The following ITPR2 variants were observed in gnomAD, a reference collection of about 807,000 sequenced individuals.
ITPR2 encodes inositol 1,4,5-trisphosphate receptor type 2, also known as inositol 1,4,5-trisphosphate-gated calcium channel ITPR2.
In ITPR2, 207 loss-of-function variants were observed where a neutral mutation model predicts 317.1. The observed-to-expected ratio is 0.65, with a 90% CI of 0.58 to 0.73. The LOEUF (loss-of-function observed/expected upper bound fraction) is 0.73. Among genes scored for constraint, ITPR2 ranks in the 30% least tolerant of loss-of-function variants. The pLI is 0.00. For missense variants in ITPR2, 2,613 were observed against 3,284.0 expected, an observed-to-expected ratio of 0.80 and a Z score of 4.99; for synonymous variants, 1,156 against 1,149.1, an observed-to-expected ratio of 1.01 and a Z score of -0.12.
chr12:26,743,981 T>C (rs954972348), intron 2 of ITPR2, among the ~76,000 whole-genome samples: 5 of 152,214 alleles, frequency 3.3e-5, no homozygotes, highest in African/African-American at 1.2e-4. Flanking sequence ...ACCGATTTCT[T>C]ACCAACTCAT....
At chr12:26,512,819 C>A (rs933308385) in intron 37 of ITPR2, among the ~76,000 whole-genome samples, 9 of 142,434 alleles carry the variant, frequency 6.3e-5, no homozygotes, top group African/African-American at 2.3e-4. Flanking sequence ...GGAAGGGAAA[C>A]AATTTTTTTT....
chr12:26,661,058 G>A (rs1947483761), intron 15 of ITPR2, among the ~76,000 whole-genome samples: 1 of 151,650 alleles, frequency 6.6e-6, no homozygotes, highest in African/African-American at 2.4e-5. Flanking sequence ...CAATAGAAAT[G>A]AGAAAAACAT....
At chr12:26,587,091 T>C (rs1945547774) in intron 32 of ITPR2, among the ~76,000 whole-genome samples, 3 of 151,696 alleles carry the variant, frequency 2.0e-5, no homozygotes. Flanking sequence ...CTTAATTCTA[T>C]GCTCAGACCA....
chr12:26,666,098 T>C, intron 13 of ITPR2, 47 bp from the exon 14 acceptor site: 1 of 1,465,808 alleles, frequency 6.8e-7, no homozygotes, highest in Non-Finnish European at 9.4e-7. Context: ...GTGCTTAATT[T>C]TGGAAAATGT....
chr12:26,537,024 C>A (rs1318473803), intron 37 of ITPR2, among the ~76,000 whole-genome samples: 3 of 152,120 alleles, frequency 2.0e-5, no homozygotes, highest in South Asian at 4.1e-4. Context: ...AGTGGGCTGA[C>A]CTTGGGGGCC....
intron 2 of ITPR2, among the ~76,000 whole-genome samples, chr12:26,773,875 C>T (rs1949913134): frequency 6.6e-6 from 1 of 151,920 alleles, no homozygotes; most frequent in Admixed American, 6.6e-5. Flanking sequence ...CCAATTTCCA[C>T]TGCCACTTAA....
At chr12:26,716,316 T>G (rs1479618648) in intron 5 of ITPR2, 74 bp from the exon 6 acceptor site, 3 of 874,708 alleles carry the variant, frequency 3.4e-6, no homozygotes, top group Non-Finnish European at 5.6e-6. Context: ...TAGAAATAAC[T>G]GCACAGGAGT....
rs759103714 is a variant in ITPR2 at position 26,486,170 on chromosome 12, A to G, written c.5745T>C (p.Ile1915=). Residue 1915 remains isoleucine (I), a synonymous_variant, in exon 41 of 57, where the codon ATT becomes ATC. Coordinates refer to ENST00000381340, the MANE Select transcript of ITPR2 (RefSeq NM_002223.4). ...ATCTCAGTATTGGCTGCATGATGGC[A>G]ATTGCGGGACTCATTGTTACTTCCT... The part of the protein sequence containing the change: ...SAEEVTMSPA[I]AIMQPILRFL... 113 of 1,614,032 alleles carry G rather than the reference A, an allele frequency of 7.0e-5. No individual in the cohort carries two copies. Among genetic ancestry groups the G allele is most frequent in the Non-Finnish European group, 9.2e-5 (109 of 1,179,994 alleles).
intron 32 of ITPR2, among the ~76,000 whole-genome samples, chr12:26,587,449 A>G (rs1271288696): frequency 6.6e-6 from 1 of 152,186 alleles, no homozygotes; most frequent in Non-Finnish European, 1.5e-5. Context: ...AGGAAAAGGA[A>G]GAAGTTATGC....
chr12:26,716,932 AT>A (rs1441568914), intron 5 of ITPR2, among the ~76,000 whole-genome samples: 1 of 152,136 alleles, frequency 6.6e-6, no homozygotes, highest in African/African-American at 2.4e-5. Flanking sequence ...ACTCTAATTG[AT>A]TTTTTAATGT....
At chr12:26,456,775 C>T (rs1008951118) in intron 45 of ITPR2, among the ~76,000 whole-genome samples, 6 of 152,120 alleles carry the variant, frequency 3.9e-5, no homozygotes, top group South Asian at 2.1e-4. Context: ...CGGGTTCAAG[C>T]GATTCTCTTG....
chr12:26,556,192 G>T, intron 36 of ITPR2, 41 bp downstream of exon 36: 1 of 1,601,712 alleles, frequency 6.2e-7, no homozygotes, highest in South Asian at 1.1e-5. Flanking sequence ...GGCCATGTCA[G>T]TTTGACGACA....
chr12:26,643,788 G>A (rs550845689), intron 21 of ITPR2, among the ~76,000 whole-genome samples: 21 of 152,310 alleles, frequency 1.4e-4, no homozygotes, highest in African/African-American at 3.6e-4. Flanking sequence ...TTGACAGAAC[G>A]TCTGGTTCCT....
At chr12:26,774,321 C>G (rs1031489461) in intron 2 of ITPR2, among the ~76,000 whole-genome samples, 1 of 152,130 alleles carries the variant, frequency 6.6e-6, no homozygotes, top group Non-Finnish European at 1.5e-5. Context: ...GGAGACAGAA[C>G]TGAAACTATA....
At chr12:26,563,340 G>T (rs1361844196) in intron 34 of ITPR2, among the ~76,000 whole-genome samples, 8 of 152,194 alleles carry the variant, frequency 5.3e-5, no homozygotes, top group Admixed American at 1.3e-4. Flanking sequence ...GGGAGGCCGA[G>T]GCAGGCGGAT....
At position 26,681,945 on chromosome 12, in the gene ITPR2, A is replaced by G; in HGVS notation, c.1338T>C (p.Asn446=). ...LSEVRDLDFA[N]DANKVLATTV... ...TGGTCGCTAGTACTTTATTGGCATC[A>G]TTGGCAAAGTCTAAGTCTCGAACTT... Residue 446 remains asparagine (N), a synonymous_variant, in exon 13 of 57, where the codon AAT becomes AAC. Coordinates refer to ENST00000381340, the MANE Select transcript of ITPR2 (RefSeq NM_002223.4). The G allele has an allele frequency of 6.2e-7, 1 of 1,613,616 alleles. No homozygotes were observed. Among genetic ancestry groups the G allele is most frequent in the Non-Finnish European group, 8.5e-7 (1 of 1,179,614 alleles).
chr12:26,373,668 C>T (rs1327257072), intron 55 of ITPR2: 5 of 152,164 alleles, frequency 3.3e-5, no homozygotes. Flanking sequence ...ACTAACCAGG[C>T]CCAACTCTGC....
chr12:26,767,938 T>C (rs1426730033), intron 2 of ITPR2, among the ~76,000 whole-genome samples: 1 of 152,154 alleles, frequency 6.6e-6, no homozygotes, highest in African/African-American at 2.4e-5. Context: ...ACAATGTGGG[T>C]CCTCAGAAAG....
intron 26 of ITPR2, among the ~76,000 whole-genome samples, chr12:26,618,723 C>T (rs924531251): frequency 6.6e-6 from 1 of 152,204 alleles, no homozygotes; most frequent in Admixed American, 6.5e-5. Context: ...CTTGTAGTAG[C>T]AAATTTTCTT....
Sources: allele counts gnomAD v4.1 joint callset (sites outside exome capture counted in the v4.1 genomes callset), GRCh38; gene constraint gnomAD v4.1.1; transcripts MANE v1.5; gene names NCBI Gene and HGNC (gene_info 2026-07-23, HGNC 2026-07-21).